Variants in MCEMP1 observed in about 807,000 individuals in gnomAD.
The protein encoded by MCEMP1 is mast cell expressed membrane protein 1.
Under a neutral mutation model 27.9 loss-of-function variants are expected in MCEMP1, and 17 were observed. The observed-to-expected ratio is 0.61, with a 90% CI of 0.42 to 0.91. The LOEUF is 0.91. Among genes scored for constraint, MCEMP1 ranks in the 40% least tolerant of loss-of-function variants. The pLI is 0.00. For synonymous variants in MCEMP1, 88 were observed against 76.9 expected (o/e 1.14, Z -0.76); for missense variants, 200 against 204.8 (o/e 0.98, Z 0.14).
At position 7,678,303 on chromosome 19, in the gene MCEMP1, TC is replaced by T. The variant is rs1292455007; in HGVS notation, c.284-46del. On this transcript the variant is annotated intron_variant, in intron 3 of 6. Coordinates refer to ENST00000333598, the MANE Select transcript of MCEMP1 (RefSeq NM_174918.3). The surrounding 1 kb of genome is among the most constrained non-coding windows in gnomAD (Gnocchi z 4.8). ...AGACTTTCTCCCTTGTCCTTCTCTCTCTCTCTCCCTGGGTGCTTCAAGGATT... is the reference window on the plus strand; with the variant it reads ...AGACTTTCTCCCTTGTCCTTCTCTCTTCTCTCCCTGGGTGCTTCAAGGATT... 1.2e-6 allele frequency: 2 copies of T among 1,614,056 alleles called. No homozygotes were observed. The highest frequency in any genetic ancestry group is 2.2e-5 in the South Asian group (2 of 91,076).
At position 7,677,251 on chromosome 19, in the gene MCEMP1, A is replaced by T; in HGVS notation, c.55+76A>T. 1.5e-6 allele frequency: 2 copies of T among 1,334,930 alleles called. No homozygotes were observed. Among genetic ancestry groups the T allele is most frequent in the Non-Finnish European group, 2.1e-6 (2 of 955,136 alleles). The allele number at this position is 1,334,930 out of a possible 1,614,324, so 82.7% of individuals were successfully genotyped here. On this transcript the variant is annotated intron_variant, in intron 1 of 6. Transcript: ENST00000333598. This position sits in a 1 kb window ranked among gnomAD's most constrained non-coding sequence, Gnocchi z 4.6. ...GCCGGGGGCTTTTGCTCATGTCTGTAATCCTAGCACTTTGGGAGGCTGAGG... is the reference window on the plus strand; with the variant it reads ...GCCGGGGGCTTTTGCTCATGTCTGTTATCCTAGCACTTTGGGAGGCTGAGG...
Position 7,677,989 on chromosome 19 carries a change from C to T in MCEMP1, c.146-115C>T. ...TGACGATGATGACAAGCTGCATGAC[C>T]ACAGCTGCTGATGGTTTTGAGAGGA... On this transcript the variant is annotated intron_variant, in intron 2 of 6. Transcript: ENST00000333598. This position sits in a 1 kb window ranked among gnomAD's most constrained non-coding sequence, Gnocchi z 4.6. 2 of 1,438,872 alleles carry T rather than the reference C, an allele frequency of 1.4e-6. No individual in the cohort carries two copies. Among genetic ancestry groups the T allele is most frequent in the Non-Finnish European group, 1.9e-6 (2 of 1,070,728 alleles). 89.1% of individuals were successfully genotyped at this position (1,438,872 alleles called of 1,614,324 possible).
Position 7,679,219 on chromosome 19 carries a change from C to T in MCEMP1, c.*105C>T. The T allele has an allele frequency of 1.5e-6, 2 of 1,324,076 alleles. No individual in the cohort carries two copies. Among genetic ancestry groups the T allele is most frequent in the African/African-American group, 1.5e-5 (1 of 67,286 alleles). The allele number at this position is 1,324,076 out of a possible 1,614,324, so 82.0% of individuals were successfully genotyped here. On this transcript the variant is annotated 3_prime_UTR_variant, in exon 7 of 7. Coordinates refer to ENST00000333598, the MANE Select transcript of MCEMP1 (RefSeq NM_174918.3). This position sits in a 1 kb window ranked among gnomAD's most constrained non-coding sequence, Gnocchi z 4.9. Reference sequence around the variant, plus strand: ...CCCCCCCCAGCCTAGTGTGAACCTGCCCCTCGTCCCACGTATAGAAAAACC... The same window carrying T: ...CCCCCCCCAGCCTAGTGTGAACCTGTCCCTCGTCCCACGTATAGAAAAACC...
chr19:7,678,911 C>T lies in MCEMP1; in HGVS notation c.449-13C>T, dbSNP rs1393399036. The T allele has an allele frequency of 2.8e-6, 4 of 1,405,188 alleles. No homozygotes were observed. The highest frequency in any genetic ancestry group is 2.4e-5 in the East Asian group (1 of 41,434). 87.0% of individuals were successfully genotyped at this position (1,405,188 alleles called of 1,614,324 possible). On this transcript the variant is annotated splice_polypyrimidine_tract_variant and intron_variant, in intron 5 of 6. Transcript: ENST00000333598. The surrounding 1 kb of genome is among the most constrained non-coding windows in gnomAD (Gnocchi z 4.8). ...GACTTATCTGTTCCCACCCAACCCT[C>T]CCCGCCCCCTAGGCATAAAAAACAT...
Position 7,678,192 on chromosome 19 carries a change from C to T in MCEMP1, c.234C>T (p.Ala78=), listed in dbSNP as rs768935697. 1 of 1,614,110 alleles carries T rather than the reference C, an allele frequency of 6.2e-7. No individual in the cohort carries two copies. The highest frequency in any genetic ancestry group is 1.1e-5 in the South Asian group (1 of 91,074). ...TCCTGAGCCTGTACATCCTCCTGGC[C>T]CTGGCCTTTGTCCTCTGCATCATCC... ...RAILSLYILL[A]LAFVLCIILS... is the part of the protein sequence containing the mutation. The change falls in exon 3 of 7, where the codon GCC becomes GCT. Residue 78 remains alanine (A), a synonymous_variant. Coordinates refer to ENST00000333598, the MANE Select transcript of MCEMP1 (RefSeq NM_174918.3). The surrounding 1 kb of genome is among the most constrained non-coding windows in gnomAD (Gnocchi z 4.8).
Position 7,678,753 on chromosome 19 carries a change from G to A in MCEMP1, c.448+149G>A, listed in dbSNP as rs961784437. ...AGGGGCGATGGGTGTTACCATCTGGGTTGCTCTGTGGGTATTGAAAGGCTC... is the reference window on the plus strand; with the variant it reads ...AGGGGCGATGGGTGTTACCATCTGGATTGCTCTGTGGGTATTGAAAGGCTC... On this transcript the variant is annotated intron_variant, in intron 5 of 6. Coordinates refer to ENST00000333598, the MANE Select transcript of MCEMP1 (RefSeq NM_174918.3). The surrounding 1 kb of genome is among the most constrained non-coding windows in gnomAD (Gnocchi z 4.8). The A allele has an allele frequency of 1.8e-6, 2 of 1,083,374 alleles. No individual in the cohort carries two copies. Among genetic ancestry groups the A allele is most frequent in the Non-Finnish European group, 2.7e-6 (2 of 739,282 alleles). The allele number at this position is 1,083,374 out of a possible 1,614,324, so 67.1% of individuals were successfully genotyped here. A position where few individuals can be genotyped will look rare whatever the true frequency, so the allele number is the denominator to read the frequency against.
In MCEMP1 at chr19:7,679,597, T is replaced by C. The variant is rs1446895744; in HGVS notation, c.*483T>C. ...CCCTGTTTGTGTAAACATACTAGAG[T>C]ATACTGCGGCGTGTTTTCTGTCTAC... is the stretch of plus-strand genomic sequence containing the variant. On this transcript the variant is annotated 3_prime_UTR_variant, in exon 7 of 7. Transcript: ENST00000333598. The surrounding 1 kb of genome is among the most constrained non-coding windows in gnomAD (Gnocchi z 4.9). 6.3e-6 allele frequency: 1 copy of C among 157,628 alleles called. No individual in the cohort carries two copies. Among genetic ancestry groups the C allele is most frequent in the Non-Finnish European group, 1.4e-5 (1 of 71,854 alleles). The allele number at this position is 157,628 out of a possible 1,614,324, so 9.8% of individuals were successfully genotyped here.
rs1457016217 is a variant in MCEMP1, at chr19:7,679,220, C to G, written c.*106C>G. 6 of 1,323,286 alleles carry G rather than the reference C, an allele frequency of 4.5e-6. No homozygotes were observed. Among genetic ancestry groups the G allele is most frequent in the Admixed American group, 2.8e-5 (1 of 36,340 alleles). 82.0% of individuals were successfully genotyped at this position (1,323,286 alleles called of 1,614,324 possible). A position where few individuals can be genotyped will look rare whatever the true frequency, so the allele number is the denominator to read the frequency against. The stretch of plus-strand genomic sequence containing the variant: ...CCCCCCCAGCCTAGTGTGAACCTGC[C>G]CCTCGTCCCACGTATAGAAAAACCT... On this transcript the variant is annotated 3_prime_UTR_variant, in exon 7 of 7. Transcript: ENST00000333598. The surrounding 1 kb of genome is among the most constrained non-coding windows in gnomAD (Gnocchi z 4.9).
In MCEMP1 at chr19:7,677,984, A is replaced by G; in HGVS notation, c.146-120A>G. ...GTTGTTGACGATGATGACAAGCTGC[A>G]TGACCACAGCTGCTGATGGTTTTGA... is the stretch of plus-strand genomic sequence containing the variant. On this transcript the variant is annotated intron_variant, in intron 2 of 6. Coordinates refer to ENST00000333598, the MANE Select transcript of MCEMP1 (RefSeq NM_174918.3). This position sits in a 1 kb window ranked among gnomAD's most constrained non-coding sequence, Gnocchi z 4.6. 1.4e-6 allele frequency: 2 copies of G among 1,423,412 alleles called. No individual in the cohort carries two copies. Among genetic ancestry groups the G allele is most frequent in the Non-Finnish European group, 1.9e-6 (2 of 1,057,090 alleles). 88.2% of individuals were successfully genotyped at this position (1,423,412 alleles called of 1,614,324 possible).
Position 7,678,141 on chromosome 19 carries a change from G to C in MCEMP1, c.183G>C (p.Gln61His). ...GCAGGCCGCCCTCAGACTCCACCCA[G>C]GTCCCCTGCTGGTTGTACAGAGCCA... ...AQCRPPSDST[Q>H]VPCWLYRAIL... Residue 61 changes from glutamine to histidine, a missense_variant, in exon 3 of 7, where the codon CAG becomes CAC. By Grantham distance (24) the Gln-to-His change is conservative (BLOSUM62 0). Transcript: ENST00000333598. The surrounding 1 kb of genome is among the most constrained non-coding windows in gnomAD (Gnocchi z 4.8). The C allele has an allele frequency of 6.2e-7, 1 of 1,613,196 alleles. No homozygotes were observed.
chr19:7,679,133 A>G lies in MCEMP1; in HGVS notation c.*19A>G. On this transcript the variant is annotated 3_prime_UTR_variant, in exon 7 of 7. Transcript: ENST00000333598. This position sits in a 1 kb window ranked among gnomAD's most constrained non-coding sequence, Gnocchi z 4.9. ...TCAATAAATGAGAGGACATTGTGGC[A>G]GCCAAAGCCACAACTTGGAAGATGG... 6.3e-7 allele frequency: 1 copy of G among 1,585,772 alleles called. No individual in the cohort carries two copies. Among genetic ancestry groups the G allele is most frequent in the East Asian group, 2.3e-5 (1 of 44,190 alleles).
In MCEMP1 at chr19:7,677,877, G is replaced by T; in HGVS notation, c.145+151G>T. On this transcript the variant is annotated intron_variant, in intron 2 of 6. Coordinates refer to ENST00000333598, the MANE Select transcript of MCEMP1 (RefSeq NM_174918.3). This position sits in a 1 kb window ranked among gnomAD's most constrained non-coding sequence, Gnocchi z 4.6. ...TGACGTGCTAATGAGGTCTGTTGAT[G>T]ATGACAATGTTGGGGAATGCTGGAG... 9.8e-7 allele frequency: 1 copy of T among 1,020,462 alleles called. No homozygotes were observed. Among genetic ancestry groups the T allele is most frequent in the Non-Finnish European group, 1.5e-6 (1 of 685,458 alleles). The allele number at this position is 1,020,462 out of a possible 1,614,324, so 63.2% of individuals were successfully genotyped here. A position where few individuals can be genotyped will look rare whatever the true frequency, so the allele number is the denominator to read the frequency against.
chr19:7,678,994 G>GC lies in MCEMP1; in HGVS notation c.508+15dup. ...TGCAGAAAATGCCACGTAAGTTGGC[G>GC]CCCCGACAGGAGGTGGAGGAGGGTG... On this transcript the variant is annotated intron_variant, in intron 6 of 6. Transcript: ENST00000333598. This position sits in a 1 kb window ranked among gnomAD's most constrained non-coding sequence, Gnocchi z 4.8. 2 of 1,597,844 alleles carry GC rather than the reference G, an allele frequency of 1.3e-6. No individual in the cohort carries two copies. Among genetic ancestry groups the GC allele is most frequent in the Non-Finnish European group, 8.5e-7 (1 of 1,171,356 alleles).
chr19:7,678,070 C>A lies in MCEMP1; in HGVS notation c.146-34C>A. ...GGATGGTTTGAGTGGTGGTGCTGGC[C>A]CCTCAAGGTCACTTTGCTGCCTCTT... On this transcript the variant is annotated intron_variant, in intron 2 of 6. Coordinates refer to ENST00000333598, the MANE Select transcript of MCEMP1 (RefSeq NM_174918.3). This position sits in a 1 kb window ranked among gnomAD's most constrained non-coding sequence, Gnocchi z 4.8. 6.4e-7 allele frequency: 1 copy of A among 1,558,804 alleles called. No individual in the cohort carries two copies.
Position 7,679,225 on chromosome 19 carries a change from G to A in MCEMP1, c.*111G>A, listed in dbSNP as rs950340044. On this transcript the variant is annotated 3_prime_UTR_variant, in exon 7 of 7. Transcript: ENST00000333598. The surrounding 1 kb of genome is among the most constrained non-coding windows in gnomAD (Gnocchi z 4.9). Reference sequence around the variant, plus strand: ...CCAGCCTAGTGTGAACCTGCCCCTCGTCCCACGTATAGAAAAACCTCGAGT... The same window carrying A: ...CCAGCCTAGTGTGAACCTGCCCCTCATCCCACGTATAGAAAAACCTCGAGT... 1.9e-5 allele frequency: 24 copies of A among 1,292,066 alleles called. No individual in the cohort carries two copies. The highest frequency in any genetic ancestry group is 1.3e-4 in the East Asian group (5 of 38,764). The allele number at this position is 1,292,066 out of a possible 1,614,324, so 80.0% of individuals were successfully genotyped here.
Position 7,678,674 on chromosome 19 carries a change from G to T in MCEMP1, c.448+70G>T. ...TGCCCGGAGCTGAGCTGGGGGCAGG[G>T]GATTCAGGGGAGGAGAAAGCCGGGG... On this transcript the variant is annotated intron_variant, in intron 5 of 6. Coordinates refer to ENST00000333598, the MANE Select transcript of MCEMP1 (RefSeq NM_174918.3). This position sits in a 1 kb window ranked among gnomAD's most constrained non-coding sequence, Gnocchi z 4.8. 6.9e-7 allele frequency: 1 copy of T among 1,451,804 alleles called. No homozygotes were observed. The highest frequency in any genetic ancestry group is 9.6e-7 in the Non-Finnish European group (1 of 1,043,640). 89.9% of individuals were successfully genotyped at this position (1,451,804 alleles called of 1,614,324 possible). A position where few individuals can be genotyped will look rare whatever the true frequency, so the allele number is the denominator to read the frequency against.
Position 7,677,882 on chromosome 19 carries a change from C to A in MCEMP1, c.145+156C>A, listed in dbSNP as rs1258813491. 2 of 1,022,406 alleles carry A rather than the reference C, an allele frequency of 2.0e-6. No homozygotes were observed. The highest frequency in any genetic ancestry group is 2.9e-6 in the Non-Finnish European group (2 of 687,508). 63.3% of individuals were successfully genotyped at this position (1,022,406 alleles called of 1,614,324 possible). ...TGCTAATGAGGTCTGTTGATGATGA[C>A]AATGTTGGGGAATGCTGGAGAGGGG... On this transcript the variant is annotated intron_variant, in intron 2 of 6. Coordinates refer to ENST00000333598, the MANE Select transcript of MCEMP1 (RefSeq NM_174918.3). This position sits in a 1 kb window ranked among gnomAD's most constrained non-coding sequence, Gnocchi z 4.6.
Position 7,678,851 on chromosome 19 carries a change from AG to A in MCEMP1, c.449-71del. The A allele has an allele frequency of 5.6e-6, 8 of 1,419,288 alleles. No homozygotes were observed. Among genetic ancestry groups the A allele is most frequent in the Non-Finnish European group, 7.7e-6 (8 of 1,038,214 alleles). The allele number at this position is 1,419,288 out of a possible 1,614,324, so 87.9% of individuals were successfully genotyped here. ...GGGGCAGGGGGGGTGCTTCCAAGGA[AG>A]GTGGGGGCTTTGTTTGAGGCTCCAC... On this transcript the variant is annotated intron_variant, in intron 5 of 6. Coordinates refer to ENST00000333598, the MANE Select transcript of MCEMP1 (RefSeq NM_174918.3). This position sits in a 1 kb window ranked among gnomAD's most constrained non-coding sequence, Gnocchi z 4.8.
At position 7,678,726 on chromosome 19, in the gene MCEMP1, G is replaced by A. The variant is rs1215457338; in HGVS notation, c.448+122G>A. 8 of 1,158,230 alleles carry A rather than the reference G, an allele frequency of 6.9e-6. No individual in the cohort carries two copies. In the East Asian group the frequency reaches 2.0e-4, roughly 29 times the overall value. 71.7% of individuals were successfully genotyped at this position (1,158,230 alleles called of 1,614,324 possible). A position where few individuals can be genotyped will look rare whatever the true frequency, so the allele number is the denominator to read the frequency against. On this transcript the variant is annotated intron_variant, in intron 5 of 6. Coordinates refer to ENST00000333598, the MANE Select transcript of MCEMP1 (RefSeq NM_174918.3). The surrounding 1 kb of genome is among the most constrained non-coding windows in gnomAD (Gnocchi z 4.8). ...CCTACCCTCCCAAAGCTCAAGTTGTGGAGGGGCGATGGGTGTTACCATCTG... is the reference window on the plus strand; with the variant it reads ...CCTACCCTCCCAAAGCTCAAGTTGTAGAGGGGCGATGGGTGTTACCATCTG...
Sources: gnomAD v4.1 joint callset for allele counts on GRCh38, gnomAD v4.1.1 for gene constraint, Gnocchi (gnomAD v3.1) non-coding constraint, MANE v1.5 for transcripts, NCBI Gene and HGNC (gene_info 2026-07-23, HGNC 2026-07-21) for gene names.